The following NKAIN2 variants were observed in gnomAD, a reference collection of about 807,000 sequenced individuals.
NKAIN2 encodes the protein sodium/potassium transporting ATPase interacting 2, also known as sodium/potassium-transporting ATPase subunit beta-1-interacting protein 2.
In NKAIN2, 14 loss-of-function variants were observed where a neutral mutation model predicts 32.6. The ratio of observed to expected loss-of-function variants is 0.43; its 90% CI spans 0.28 to 0.67. The LOEUF (loss-of-function observed/expected upper bound fraction) is 0.67. NKAIN2 is among the 30% of genes least tolerant of loss of function. The pLI is 0.17. For synonymous variants in NKAIN2, 80 were observed against 87.2 expected (o/e 0.92, Z 0.46); for missense variants, 198 against 258.3 (o/e 0.77, Z 1.60).
chr6:124,130,838 G>T (rs1374077611), intron 1 of NKAIN2, among the ~76,000 whole-genome samples: 1 of 152,162 alleles, frequency 6.6e-6, no homozygotes, highest in Non-Finnish European at 1.5e-5. Flanking sequence ...ATGATGGATA[G>T]AAAGTGGATA....
chr6:124,511,389 A>C (rs72971788), intron 3 of NKAIN2, among the ~76,000 whole-genome samples: 1 of 152,312 alleles, frequency 6.6e-6, no homozygotes, highest in Non-Finnish European at 1.5e-5. Flanking sequence ...TTTTCTTCAA[A>C]TAGGAGAAGA....
At chr6:123,908,286 G>T (rs1774992584) in intron 1 of NKAIN2, among the ~76,000 whole-genome samples, 1 of 152,038 alleles carries the variant, frequency 6.6e-6, no homozygotes, top group African/African-American at 2.4e-5. Flanking sequence ...ACCTCCTTAA[G>T]ATTTGCTAGA....
intron 1 of NKAIN2, among the ~76,000 whole-genome samples, chr6:123,937,189 T>C (rs991013310): frequency 2.6e-5 from 4 of 152,138 alleles, no homozygotes; most frequent in African/African-American, 9.7e-5. Flanking sequence ...AGCCCAAGTC[T>C]AGTCTCTGCC....
At chr6:124,069,486 A>C (rs1440986404) in intron 1 of NKAIN2, among the ~76,000 whole-genome samples, 1 of 152,138 alleles carries the variant, frequency 6.6e-6, no homozygotes, top group Non-Finnish European at 1.5e-5. Flanking sequence ...CCAGTCATTC[A>C]GGAAAGCAGC....
In NKAIN2 at chr6:123,849,952, TTTTTTTTTTGTTTGTTTG is replaced by T. The variant is rs1401353375; in HGVS notation, c.54+45708_54+45725del. On this transcript the variant is annotated intron_variant, in intron 1 of 6. Transcript: ENST00000368417. ...TTTCACTCTGTAACTCAGGCTGGTT[TTTTTTTTTTGTTTGTTTG>T]TTTTTTTTTTAACTTTCTGTGGAGA... 4.8e-4 allele frequency among the ~76,000 whole-genome samples: 17 copies of T among 35,292 alleles called. 2 individuals carry two copies. Among genetic ancestry groups the T allele is most frequent in the African/African-American group, 7.4e-4 (16 of 21,716 alleles). 23.2% of individuals were successfully genotyped at this position (35,292 alleles called of 152,430 possible).
At chr6:124,525,305 T>C (rs1232385113) in intron 3 of NKAIN2, among the ~76,000 whole-genome samples, 1 of 152,138 alleles carries the variant, frequency 6.6e-6, no homozygotes, top group Admixed American at 6.6e-5. Flanking sequence ...CCTTTTTTTT[T>C]CTTAGATGAT....
At position 124,703,893 on chromosome 6, in the gene NKAIN2, T is replaced by C. The variant is rs146373880; in HGVS notation, c.474+45507T>C. Among the ~76,000 whole-genome samples the C allele has an allele frequency of 5.3e-3, 803 of 152,014 alleles. 5 individuals are homozygous for C. The highest frequency in any genetic ancestry group is 8.2e-3 in the Non-Finnish European group (560 of 67,892). ...TATATGTTTAGTAAATTCAATGTCA[T>C]ATAGGACATAAAAAGGCTTTTTCAT... On this transcript the variant is annotated intron_variant, in intron 4 of 6. Transcript: ENST00000368417.
intron 4 of NKAIN2, among the ~76,000 whole-genome samples, chr6:124,767,556 T>C (rs1778564819): frequency 6.6e-6 from 1 of 152,202 alleles, no homozygotes; most frequent in African/African-American, 2.4e-5. Context: ...AGTTAAAATA[T>C]CTACTCAGCT....
At chr6:124,622,814 CTCTT>C (rs1320599102) in intron 3 of NKAIN2, among the ~76,000 whole-genome samples, 1 of 152,132 alleles carries the variant, frequency 6.6e-6, no homozygotes, top group Admixed American at 6.6e-5. Flanking sequence ...CTCCTCTTCT[CTCTT>C]TCTCTGCCGC....
chr6:123,935,408 A>G (rs1386478803), intron 1 of NKAIN2, among the ~76,000 whole-genome samples: 2 of 151,580 alleles, frequency 1.3e-5, no homozygotes, highest in African/African-American at 2.4e-5. Flanking sequence ...ACCAATGTGC[A>G]TGCATGTGAT....
At chr6:124,196,862 G>A (rs943776447) in intron 1 of NKAIN2, among the ~76,000 whole-genome samples, 1 of 151,750 alleles carries the variant, frequency 6.6e-6, no homozygotes, top group Non-Finnish European at 1.5e-5. Flanking sequence ...TTCAAACTGA[G>A]CTAAAATTTG....
At chr6:123,922,208 C>T (rs1452716636) in intron 1 of NKAIN2, among the ~76,000 whole-genome samples, 1 of 152,132 alleles carries the variant, frequency 6.6e-6, no homozygotes, top group Non-Finnish European at 1.5e-5. Context: ...AATAGTTAAG[C>T]AAGTTTCTAA....
At chr6:124,629,275 C>T (rs564151369) in intron 3 of NKAIN2, among the ~76,000 whole-genome samples, 1 of 152,236 alleles carries the variant, frequency 6.6e-6, no homozygotes, top group East Asian at 1.9e-4. Flanking sequence ...CCAGGACAGT[C>T]CTTCTTCCAC....
chr6:124,812,053 C>T (rs1183623653), intron 5 of NKAIN2, among the ~76,000 whole-genome samples: 1 of 152,104 alleles, frequency 6.6e-6, no homozygotes, highest in Non-Finnish European at 1.5e-5. Context: ...AGATTGGTAA[C>T]ACTCGATAGC....
intron 1 of NKAIN2, among the ~76,000 whole-genome samples, chr6:124,090,484 T>C (rs1324534239): frequency 6.6e-6 from 1 of 151,996 alleles, no homozygotes; most frequent in Non-Finnish European, 1.5e-5. Flanking sequence ...AGCTTTACCA[T>C]ATTCTGGGTA....
intron 1 of NKAIN2, among the ~76,000 whole-genome samples, chr6:123,826,321 C>T (rs1356639687): frequency 1.3e-5 from 2 of 152,112 alleles, no homozygotes; most frequent in African/African-American, 2.4e-5. Context: ...TTTATTAAGA[C>T]AAGATCTGGA....
At chr6:124,027,425 G>A (rs941273241) in intron 1 of NKAIN2, among the ~76,000 whole-genome samples, 10 of 152,096 alleles carry the variant, frequency 6.6e-5, no homozygotes, top group Non-Finnish European at 1.5e-4. Flanking sequence ...GATTACAGGC[G>A]TGAGCCACCG....
At chr6:124,363,194 A>G (rs1799370834) in intron 3 of NKAIN2, among the ~76,000 whole-genome samples, 2 of 152,152 alleles carry the variant, frequency 1.3e-5, no homozygotes, top group South Asian at 4.1e-4. Context: ...AAAGCAAGAA[A>G]TATATGTTTG....
chr6:123,856,199 T>A (rs1775548797), intron 1 of NKAIN2, among the ~76,000 whole-genome samples: 1 of 152,214 alleles, frequency 6.6e-6, no homozygotes, highest in Non-Finnish European at 1.5e-5. Context: ...AACTAAAGAA[T>A]GTTTGAGAAT....
Sources: gnomAD v4.1 joint callset for allele counts (sites outside exome capture counted in the v4.1 genomes callset) on GRCh38, gnomAD v4.1.1 for gene constraint, MANE v1.5 for transcripts, NCBI Gene and HGNC (gene_info 2026-07-23, HGNC 2026-07-21) for gene names.